The following TRIM55 variants were observed in gnomAD, a reference collection of about 807,000 sequenced individuals.
The protein encoded by TRIM55 is tripartite motif-containing protein 55.
A neutral mutation model predicts 60.9 loss-of-function variants in TRIM55; 50 were observed. The observed-to-expected ratio is 0.82, with a 90% CI of 0.65 to 1.04. TRIM55 has a LOEUF of 1.04. TRIM55 is among the 50% of genes least tolerant of loss of function. The pLI is 0.00. For synonymous variants in TRIM55, 237 were observed against 238.1 expected, an observed-to-expected ratio of 1.00 and a Z score of 0.04; for missense variants, 681 against 666.9, an observed-to-expected ratio of 1.02 and a Z score of -0.23.
At chr8:66,141,862 C>T (rs752815921) in intron 4 of TRIM55, among the ~76,000 whole-genome samples, 2 of 152,108 alleles carry the variant, frequency 1.3e-5, no homozygotes, top group African/African-American at 4.8e-5. Flanking sequence ...CCAAAATGAC[C>T]ATTTCTAGTC....
chr8:66,130,383 C>A (rs1218586336), intron 2 of TRIM55, among the ~76,000 whole-genome samples: 1 of 152,168 alleles, frequency 6.6e-6, no homozygotes, highest in African/African-American at 2.4e-5. Flanking sequence ...TACTTGGTAG[C>A]AAAACCACAA....
intron 9 of TRIM55, among the ~76,000 whole-genome samples, chr8:66,159,276 G>A (rs559659505): frequency 1.2e-4 from 19 of 152,348 alleles, no homozygotes; most frequent in African/African-American, 4.6e-4. Context: ...TCTTGTGAAT[G>A]AAAACATACA....
intron 9 of TRIM55, 31 bp from the exon 10 acceptor site, chr8:66,174,440 T>C: frequency 6.2e-7 from 1 of 1,604,634 alleles, no homozygotes; most frequent in Non-Finnish European, 8.5e-7. Context: ...AAACCTCTTT[T>C]TTCTCTGATT....
chr8:66,173,860 A>G (rs930819709), intron 9 of TRIM55, among the ~76,000 whole-genome samples: 2 of 152,150 alleles, frequency 1.3e-5, no homozygotes, highest in Admixed American at 1.3e-4. Flanking sequence ...AGACATGCTT[A>G]TATTGGATTT....
intron 9 of TRIM55, among the ~76,000 whole-genome samples, chr8:66,172,404 CT>C (rs1487398473): frequency 6.6e-6 from 1 of 152,174 alleles, no homozygotes; most frequent in Non-Finnish European, 1.5e-5. Context: ...AGGATAACCT[CT>C]GCTATTGGAT....
intron 9 of TRIM55, among the ~76,000 whole-genome samples, chr8:66,168,352 T>C (rs892123398): frequency 2.6e-5 from 4 of 152,216 alleles, no homozygotes; most frequent in Non-Finnish European, 5.9e-5. Context: ...CAGTTAGGAA[T>C]CTGTAACACC....
chr8:66,151,638 T>C (rs1810423184), intron 7 of TRIM55, among the ~76,000 whole-genome samples: 1 of 152,048 alleles, frequency 6.6e-6, no homozygotes, highest in South Asian at 2.1e-4. Flanking sequence ...GGCCAGGAGT[T>C]TGAGACCAGC....
intron 9 of TRIM55, among the ~76,000 whole-genome samples, chr8:66,168,049 C>CA (rs1160367709): frequency 1.3e-5 from 2 of 152,088 alleles, no homozygotes; most frequent in Admixed American, 6.5e-5. Flanking sequence ...CATGCCTGGC[C>CA]AAAAAATGCA....
At chr8:66,129,469 C>T (rs1809018834) in intron 2 of TRIM55, among the ~76,000 whole-genome samples, 1 of 152,138 alleles carries the variant, frequency 6.6e-6, no homozygotes, top group East Asian at 1.9e-4. Context: ...ATAAATCTAA[C>T]ATAATTATTA....
chr8:66,150,996 T>TTGAC (rs1387579567), intron 7 of TRIM55, among the ~76,000 whole-genome samples: 10 of 152,200 alleles, frequency 6.6e-5, no homozygotes, highest in Admixed American at 6.5e-4. Context: ...GGTTGGGTAT[T>TTGAC]TGACTCTTGA....
At chr8:66,122,350 C>A (rs1473293332), upstream of TRIM55, among the ~76,000 whole-genome samples, 1 of 152,192 alleles carries the variant, frequency 6.6e-6, no homozygotes, top group Non-Finnish European at 1.5e-5. Flanking sequence ...GAATCCCCCT[C>A]CCCGCTTCGA....
At chr8:66,123,088 G>A (rs1285119727), upstream of TRIM55, among the ~76,000 whole-genome samples, 1 of 152,128 alleles carries the variant, frequency 6.6e-6, no homozygotes, top group East Asian at 1.9e-4. Flanking sequence ...TTCTGCACAA[G>A]GGCATTGGTC....
intron 2 of TRIM55, among the ~76,000 whole-genome samples, chr8:66,128,797 T>A (rs1253417657): frequency 6.6e-6 from 1 of 152,100 alleles, no homozygotes. Flanking sequence ...TTTTACACAT[T>A]TTGCACTTCA....
intron 4 of TRIM55, among the ~76,000 whole-genome samples, chr8:66,149,366 C>A (rs146326242): frequency 1.3e-5 from 2 of 152,252 alleles, no homozygotes; most frequent in East Asian, 3.9e-4. Context: ...TTCTTTATTT[C>A]TATGAAATTC....
chr8:66,168,229 G>A (rs1811430870), intron 9 of TRIM55, among the ~76,000 whole-genome samples: 1 of 152,190 alleles, frequency 6.6e-6, no homozygotes, highest in African/African-American at 2.4e-5. Context: ...TGATGGCAGA[G>A]CTGCCTAACA....
chr8:66,174,406 T>C, intron 9 of TRIM55, 65 bp from the exon 10 acceptor site: 1 of 1,518,524 alleles, frequency 6.6e-7, no homozygotes, highest in South Asian at 1.2e-5. Flanking sequence ...AATAGAAAAG[T>C]GACTGGACCA....
intron 9 of TRIM55, among the ~76,000 whole-genome samples, chr8:66,166,826 G>A (rs1222992957): frequency 1.3e-5 from 2 of 152,156 alleles, no homozygotes; most frequent in Admixed American, 6.5e-5. Flanking sequence ...AAGCCAAGTA[G>A]CATCTAAGAA....
Position 66,128,373 on chromosome 8 carries a change from T to A in TRIM55, c.238T>A (p.Ser80Thr). The change falls in exon 2 of 10, where the codon TCC (serine) becomes ACC (threonine). Residue 80 changes from serine to threonine, a missense_variant. Physicochemically the swap from Ser to Thr is moderately conservative, Grantham distance 58. Transcript: ENST00000315962. ...ATCAGGGGGCCGATTCCGCTGCCCA[T>A]CCTGTAGACATGAAGTGGTTTTGGA... ...MASGGRFRCPSCRHEVVLDRH... is the reference protein window; with the variant it reads ...MASGGRFRCPTCRHEVVLDRH... The A allele has an allele frequency of 1.9e-6, 3 of 1,613,860 alleles. No individual in the cohort carries two copies. Among genetic ancestry groups the A allele is most frequent in the Non-Finnish European group, 2.5e-6 (3 of 1,179,874 alleles).
the TRIM55 span, among the ~76,000 whole-genome samples, chr8:66,113,819 G>A: frequency 6.6e-6 from 1 of 152,198 alleles, no homozygotes; most frequent in Non-Finnish European, 1.5e-5. Context: ...TCTGCGACCC[G>A]AGGGCTCGCA....
Sources: gnomAD v4.1 joint callset for allele counts (sites outside exome capture counted in the v4.1 genomes callset) on GRCh38, gnomAD v4.1.1 for gene constraint, MANE v1.5 for transcripts, NCBI Gene and HGNC (gene_info 2026-07-23, HGNC 2026-07-21) for gene names.